The following TMEM132D variants were observed in gnomAD, a reference collection of about 807,000 sequenced individuals.
TMEM132D encodes mature OL transmembrane protein.
A neutral mutation model predicts 62.3 loss-of-function variants in TMEM132D; 21 were observed. The observed-to-expected ratio is 0.34, with a 90% CI of 0.24 to 0.49. TMEM132D has a LOEUF of 0.49. Ranked by LOEUF, TMEM132D falls within the 20% of genes least tolerant of loss-of-function variation. The pLI is 0.99. For synonymous variants in TMEM132D, 621 were observed against 575.6 expected (o/e 1.08, Z -1.13); for missense variants, 1,346 against 1,402.8 (o/e 0.96, Z 0.65).
At position 129,758,130 on chromosome 12, in the gene TMEM132D, C is replaced by T. The variant is rs947684335; in HGVS notation, c.80-57432G>A. Reference sequence around the variant, plus strand: ...ATGTTGGCCAGGCTGGTCTCGAACTCCCGACCTCAGGTGATCCTCCTGCCT... The same window carrying T: ...ATGTTGGCCAGGCTGGTCTCGAACTTCCGACCTCAGGTGATCCTCCTGCCT... On this transcript the variant is annotated intron_variant, in intron 1 of 8. Coordinates refer to ENST00000422113, the MANE Select transcript of TMEM132D (RefSeq NM_133448.3). Among the ~76,000 whole-genome samples, 3 of 152,112 alleles carry T rather than the reference C, an allele frequency of 2.0e-5. No homozygotes were observed. In the East Asian group the frequency reaches 5.8e-4, roughly 29 times the overall value.
rs374293785 is a variant in TMEM132D at position 129,633,022 on chromosome 12, G to A, written c.968+66788C>T. On this transcript the variant is annotated intron_variant, in intron 2 of 8. Transcript: ENST00000422113. ...TTAAATCCCACATAGGGGTAAGTAG[G>A]ATGCTTGGCTTAAATGTTTTTTTCT... Among the ~76,000 whole-genome samples, 182 of 152,286 alleles carry A rather than the reference G, an allele frequency of 1.2e-3. 1 individual carries two copies. The highest frequency in any genetic ancestry group is 4.3e-3 in the African/African-American group (177 of 41,564).
intron 4 of TMEM132D, 112 bp downstream of exon 4, chr12:129,337,522 C>T: frequency 7.6e-7 from 1 of 1,315,524 alleles, no homozygotes; most frequent in Non-Finnish European, 1.1e-6. Flanking sequence ...TTCTCACTGT[C>T]CTGATTCTTG....
chr12:129,558,157 C>T (rs1046482833), intron 2 of TMEM132D, among the ~76,000 whole-genome samples: 4 of 152,164 alleles, frequency 2.6e-5, no homozygotes, highest in African/African-American at 9.7e-5. Context: ...AGAATCCAGG[C>T]TGATGGAACC....
chr12:129,200,419 G>T (rs997022001), intron 5 of TMEM132D, among the ~76,000 whole-genome samples: 1 of 152,180 alleles, frequency 6.6e-6, no homozygotes, highest in African/African-American at 2.4e-5. Context: ...TATGTGGCCA[G>T]TCTGCTCCCT....
chr12:129,586,754 T>C (rs61606036), intron 2 of TMEM132D, among the ~76,000 whole-genome samples: 2,184 of 152,250 alleles, frequency 0.014, 63 homozygotes, highest in African/African-American at 0.05. Flanking sequence ...TACACACCAA[T>C]GATCTTCAAG....
intron 1 of TMEM132D, among the ~76,000 whole-genome samples, chr12:129,734,320 C>T (rs146524874): frequency 3.3e-5 from 5 of 152,290 alleles, no homozygotes; most frequent in African/African-American, 1.2e-4. Flanking sequence ...GGTGTTCCAG[C>T]TCCTCAAAGT....
At position 129,073,920 on chromosome 12, in the gene TMEM132D, G is replaced by C. The variant is rs764238814; in HGVS notation, c.3255C>G (p.Cys1085Trp). The change falls in exon 9 of 9, where the codon TGC (cysteine) becomes TGG (tryptophan). Residue 1085 changes from cysteine to tryptophan, a missense_variant. Physicochemically the swap from Cys to Trp is radical, Grantham distance 215. Transcript: ENST00000422113. ...TCTCCATGTAGTTGTGCAGCTCTTTGCAGTCCCCAGGGTCCAGATCCTGGC... is the reference window on the plus strand; with the variant it reads ...TCTCCATGTAGTTGTGCAGCTCTTTCCAGTCCCCAGGGTCCAGATCCTGGC... ...WVCQDLDPGD[C>W]KELHNYMERL... The C allele has an allele frequency of 6.3e-7, 1 of 1,580,046 alleles. No individual in the cohort carries two copies. The highest frequency in any genetic ancestry group is 1.2e-5 in the South Asian group (1 of 85,146).
At chr12:129,149,291 C>T (rs1252963982) in intron 5 of TMEM132D, among the ~76,000 whole-genome samples, 1 of 152,020 alleles carries the variant, frequency 6.6e-6, no homozygotes, top group East Asian at 1.9e-4. Context: ...GGGCTTAAAA[C>T]CTAGATGACG....
At chr12:129,398,930 A>C (rs1871516123) in intron 3 of TMEM132D, among the ~76,000 whole-genome samples, 2 of 152,198 alleles carry the variant, frequency 1.3e-5, no homozygotes, top group South Asian at 4.1e-4. Context: ...ACTTGAGAAT[A>C]GTAATTCGTA....
At chr12:129,131,059 C>T (rs560637902) in intron 5 of TMEM132D, among the ~76,000 whole-genome samples, 1 of 152,278 alleles carries the variant, frequency 6.6e-6, no homozygotes, top group South Asian at 2.1e-4. Flanking sequence ...CCCAAACACT[C>T]ATTTGGGAGA....
rs117619513 is a variant in TMEM132D, at chr12:129,740,443, A to G, written c.80-39745T>C. Reference sequence around the variant, plus strand: ...CATTATCCATTTAAATGGATAATGCAAGGTATTTGCCTGAAGGTGGTCATT... The same window carrying G: ...CATTATCCATTTAAATGGATAATGCGAGGTATTTGCCTGAAGGTGGTCATT... On this transcript the variant is annotated intron_variant, in intron 1 of 8. Coordinates refer to ENST00000422113, the MANE Select transcript of TMEM132D (RefSeq NM_133448.3). Among the ~76,000 whole-genome samples, 838 of 152,314 alleles carry G rather than the reference A, an allele frequency of 5.5e-3. 2 individuals carry two copies. Among genetic ancestry groups the G allele is most frequent in the South Asian group, 8.7e-3 (42 of 4,826 alleles).
chr12:129,336,575 GAAA>G (rs971383863), intron 4 of TMEM132D, among the ~76,000 whole-genome samples: 1 of 143,828 alleles, frequency 7.0e-6, no homozygotes, highest in South Asian at 2.2e-4. Context: ...CCGTCAAAAA[GAAA>G]AAAAAAAGAA....
intron 2 of TMEM132D, among the ~76,000 whole-genome samples, 199 bp downstream of exon 2, chr12:129,699,611 C>T (rs986149058): frequency 2.0e-5 from 3 of 152,218 alleles, no homozygotes; most frequent in African/African-American, 7.2e-5. Flanking sequence ...TCTATTAAGA[C>T]GAATATTCTC....
chr12:129,803,694 C>A (rs1307090706), intron 1 of TMEM132D, among the ~76,000 whole-genome samples: 11 of 151,454 alleles, frequency 7.3e-5, no homozygotes, highest in African/African-American at 2.2e-4. Context: ...AAAATCAGAG[C>A]AGAACTGAAG....
intron 3 of TMEM132D, among the ~76,000 whole-genome samples, chr12:129,347,691 A>G (rs1193878295): frequency 2.0e-5 from 3 of 152,348 alleles, no homozygotes; most frequent in Non-Finnish European, 4.4e-5. Context: ...AATGGCAACA[A>G]AAGACAAAAT....
At chr12:129,240,708 A>T (rs905913715) in intron 4 of TMEM132D, among the ~76,000 whole-genome samples, 4 of 152,210 alleles carry the variant, frequency 2.6e-5, no homozygotes, top group African/African-American at 9.6e-5. Flanking sequence ...GAGGCGCTGG[A>T]ACGTGTTCAT....
chr12:129,500,010 C>G (rs11614532), intron 3 of TMEM132D, among the ~76,000 whole-genome samples: 33,437 of 141,352 alleles, frequency 0.24, 4,624 homozygotes, highest in Non-Finnish European at 0.33. Context: ...ACAAATACCC[C>G]TGAGTGGGGA....
At chr12:129,125,761 C>G (rs1876195334) in intron 5 of TMEM132D, among the ~76,000 whole-genome samples, 1 of 151,992 alleles carries the variant, frequency 6.6e-6, no homozygotes, top group African/African-American at 2.4e-5. Flanking sequence ...CCTTGGCCTC[C>G]CAAAGCGCAC....
chr12:129,854,812 C>T (rs901289344), intron 1 of TMEM132D: 2 of 152,232 alleles, frequency 1.3e-5, no homozygotes, highest in Admixed American at 6.5e-5. Flanking sequence ...TAGCAAGCAC[C>T]AGAGCTGGGA....
Sources: gnomAD v4.1 joint callset for allele counts (sites outside exome capture counted in the v4.1 genomes callset) on GRCh38, gnomAD v4.1.1 for gene constraint, MANE v1.5 for transcripts, NCBI Gene and HGNC (gene_info 2026-07-23, HGNC 2026-07-21) for gene names.